The following FBXO42 variants were observed in gnomAD, a reference collection of about 807,000 sequenced individuals.
FBXO42 encodes F-box only protein 42.
A neutral mutation model predicts 71.7 loss-of-function variants in FBXO42; 12 were observed. That is an observed-to-expected ratio of 0.17 (90% CI 0.11 to 0.27). The LOEUF (loss-of-function observed/expected upper bound fraction) is 0.27, where lower values mean the gene tolerates loss of function less well. FBXO42 is among the 10% of genes least tolerant of loss of function. The pLI is 1.00. For synonymous variants in FBXO42, 325 were observed against 327.5 expected, an observed-to-expected ratio of 0.99 and a Z score of 0.08; for missense variants, 707 against 911.9, an observed-to-expected ratio of 0.78 and a Z score of 2.89.
chr1:16,323,405 G>A (rs563405480), intron 1 of FBXO42, among the ~76,000 whole-genome samples: 6 of 152,084 alleles, frequency 3.9e-5, no homozygotes, highest in African/African-American at 9.6e-5. Context: ...GTGACAGTGC[G>A]AGACTCCGTC....
intron 1 of FBXO42, among the ~76,000 whole-genome samples, chr1:16,349,342 T>C (rs192999022): frequency 1.3e-4 from 20 of 152,292 alleles, no homozygotes; most frequent in Non-Finnish European, 2.1e-4. Flanking sequence ...AGCCATACTA[T>C]ATGCAACTTC....
At chr1:16,316,543 G>A (rs772124571) in intron 1 of FBXO42, among the ~76,000 whole-genome samples, 1 of 151,180 alleles carries the variant, frequency 6.6e-6, no homozygotes, top group Admixed American at 6.6e-5. Flanking sequence ...CGAGACCAGC[G>A]TGGGCAACAT....
At chr1:16,346,974 A>T (rs12048669) in intron 1 of FBXO42, among the ~76,000 whole-genome samples, 1 of 151,324 alleles carries the variant, frequency 6.6e-6, no homozygotes, top group East Asian at 2.0e-4. Context: ...TGAACTCCTG[A>T]CCTCAAGTGA....
chr1:16,290,681 CA>C (rs34993877), intron 4 of FBXO42, among the ~76,000 whole-genome samples: 85,163 of 146,712 alleles, frequency 0.58, 24,972 homozygotes, highest in African/African-American at 0.72. Flanking sequence ...GACAGAGTGA[CA>C]AAAAAAAAAA....
intron 4 of FBXO42, among the ~76,000 whole-genome samples, chr1:16,278,852 C>T (rs1222841151): frequency 1.3e-5 from 2 of 152,110 alleles, no homozygotes; most frequent in East Asian, 3.9e-4. Flanking sequence ...AATCTTGGCT[C>T]ACCACAACCT....
chr1:16,339,806 C>G (rs2082585358), intron 1 of FBXO42, among the ~76,000 whole-genome samples: 1 of 152,134 alleles, frequency 6.6e-6, no homozygotes, highest in African/African-American at 2.4e-5. Flanking sequence ...TAAAAATCAC[C>G]TGGCCAAGCA....
chr1:16,307,293 G>A (rs965998330), intron 2 of FBXO42, among the ~76,000 whole-genome samples: 1 of 152,130 alleles, frequency 6.6e-6, no homozygotes. Flanking sequence ...GAAGCCAGGA[G>A]TTTGAGACCA....
intron 4 of FBXO42, among the ~76,000 whole-genome samples, chr1:16,290,245 C>A (rs2082063950): frequency 6.6e-6 from 1 of 152,148 alleles, no homozygotes; most frequent in South Asian, 2.1e-4. Flanking sequence ...TACATTAATT[C>A]CAACTGGTAT....
chr1:16,265,813 T>C (rs2081765466), intron 4 of FBXO42, among the ~76,000 whole-genome samples: 1 of 150,686 alleles, frequency 6.6e-6, no homozygotes, highest in Non-Finnish European at 1.5e-5. Flanking sequence ...CAAGGCCTCC[T>C]AAAGGAGCTC....
intron 2 of FBXO42, among the ~76,000 whole-genome samples, chr1:16,311,236 G>C (rs1249784062): frequency 6.7e-6 from 1 of 149,092 alleles, no homozygotes; most frequent in African/African-American, 2.5e-5. Flanking sequence ...CAGGACTTTA[G>C]CAGGCCCAGG....
chr1:16,257,281 G>A (rs1313994576), intron 4 of FBXO42, among the ~76,000 whole-genome samples: 1 of 152,146 alleles, frequency 6.6e-6, no homozygotes, highest in African/African-American at 2.4e-5. Flanking sequence ...GGAGGCAGGA[G>A]GCAGTTCTTA....
intron 1 of FBXO42, among the ~76,000 whole-genome samples, chr1:16,326,403 G>A (rs1314230784): frequency 1.3e-5 from 2 of 151,056 alleles, no homozygotes; most frequent in Admixed American, 1.3e-4. Context: ...TCTTCTTGAG[G>A]CCAGGTGCAG....
chr1:16,280,247 C>A (rs1170101894), intron 4 of FBXO42, among the ~76,000 whole-genome samples: 2 of 152,120 alleles, frequency 1.3e-5, no homozygotes, highest in African/African-American at 4.8e-5. Flanking sequence ...AGATAAACAT[C>A]CAAGTTGAAG....
At chr1:16,339,351 T>C (rs1238334353) in intron 1 of FBXO42, among the ~76,000 whole-genome samples, 2 of 152,122 alleles carry the variant, frequency 1.3e-5, no homozygotes, top group African/African-American at 4.8e-5. Flanking sequence ...TCTCACTGTG[T>C]TGCCAGGCTG....
intron 1 of FBXO42, among the ~76,000 whole-genome samples, chr1:16,351,962 G>C (rs1011956082): frequency 2.6e-5 from 4 of 152,108 alleles, no homozygotes; most frequent in African/African-American, 9.7e-5. Context: ...AGCCATCCTT[G>C]CCCGGGCCAC....
chr1:16,299,639 A>AATT (rs1012569825), intron 3 of FBXO42, among the ~76,000 whole-genome samples: 7 of 151,878 alleles, frequency 4.6e-5, no homozygotes, highest in Non-Finnish European at 8.8e-5. Flanking sequence ...TAATACGCTT[A>AATT]ATTATTATTA....
chr1:16,326,438 C>T (rs2082453542), intron 1 of FBXO42, among the ~76,000 whole-genome samples: 1 of 151,400 alleles, frequency 6.6e-6, no homozygotes, highest in African/African-American at 2.4e-5. Flanking sequence ...AATCCCAGCA[C>T]TTTGGGAGGC....
At chr1:16,255,108 A>G (rs1368965490) in intron 6 of FBXO42, among the ~76,000 whole-genome samples, 1 of 152,186 alleles carries the variant, frequency 6.6e-6, no homozygotes, top group East Asian at 1.9e-4. Context: ...TCTGTTCTCG[A>G]AAGTTGGCCT....
intron 4 of FBXO42, among the ~76,000 whole-genome samples, chr1:16,285,061 G>T (rs1398343272): frequency 1.3e-5 from 2 of 151,752 alleles, no homozygotes; most frequent in African/African-American, 4.8e-5. Flanking sequence ...CAGGAGAACT[G>T]CTTGAACCTA....
Sources: allele counts gnomAD v4.1 joint callset (sites outside exome capture counted in the v4.1 genomes callset), GRCh38; gene constraint gnomAD v4.1.1; transcripts MANE v1.5; gene names NCBI Gene and HGNC (gene_info 2026-07-23, HGNC 2026-07-21).